Variants in ST8SIA5 observed in about 807,000 individuals in gnomAD.
The protein encoded by ST8SIA5 is alpha-2,8-sialyltransferase 8E.
In ST8SIA5, 24 loss-of-function variants were observed where a neutral mutation model predicts 40.2. The observed-to-expected ratio is 0.60, with a 90% CI of 0.43 to 0.84. The LOEUF (loss-of-function observed/expected upper bound fraction) is 0.84, where lower values mean the gene tolerates loss of function less well. Among genes scored for constraint, ST8SIA5 ranks in the 40% least tolerant of loss-of-function variants. ST8SIA5 has a pLI of 0.00. For missense variants in ST8SIA5, 465 were observed against 498.5 expected (o/e 0.93, Z 0.64); for synonymous variants, 198 against 201.8 (o/e 0.98, Z 0.16).
chr18:46,682,606 G>A (rs1201210589), intron 5 of ST8SIA5, among the ~76,000 whole-genome samples: 1 of 152,216 alleles, frequency 6.6e-6, no homozygotes, highest in Non-Finnish European at 1.5e-5. Flanking sequence ...AGCCCCCAAA[G>A]GTGTCCATGT....
At chr18:46,725,959 TAAAAAA>T (rs72220502) in intron 1 of ST8SIA5, among the ~76,000 whole-genome samples, 7 of 17,196 alleles carry the variant, frequency 4.1e-4, no homozygotes, top group African/African-American at 1.8e-3. Flanking sequence ...CATCTCTACT[TAAAAAA>T]AAAAAAAATA....
chr18:46,745,857 G>A (rs930363473), intron 1 of ST8SIA5, among the ~76,000 whole-genome samples: 18 of 152,172 alleles, frequency 1.2e-4, no homozygotes, highest in African/African-American at 4.3e-4. Flanking sequence ...ACATCAAAAA[G>A]CTTATCCACC....
intron 1 of ST8SIA5, among the ~76,000 whole-genome samples, chr18:46,745,432 T>G (rs994276409): frequency 6.6e-6 from 1 of 152,126 alleles, no homozygotes. Flanking sequence ...GAGAATACTA[T>G]AAACACCTCT....
chr18:46,686,348 TCAC>T (rs2039447857), intron 4 of ST8SIA5, 62 bp from the exon 5 acceptor site: 1 of 1,388,216 alleles, frequency 7.2e-7, no homozygotes, highest in Admixed American at 1.8e-5. Flanking sequence ...CCTGCTACTC[TCAC>T]CTCTGCAAGC....
rs115206837 is a variant in ST8SIA5, at chr18:46,686,213, C to A, written c.530G>T (p.Arg177Leu). Residue 177 changes from arginine to leucine, a missense_variant, in exon 5 of 7, where the codon CGC (arginine) becomes CTC (leucine). Coordinates refer to ENST00000315087, the MANE Select transcript of ST8SIA5 (RefSeq NM_013305.6). Reference sequence around the variant, plus strand: ...GGCGCTGTTGATCTCCCTCCCGCAGCGGCTGTTCTTCAAGATGCCTCCGTT... The same window carrying A: ...GGCGCTGTTGATCTCCCTCCCGCAGAGGCTGTTCTTCAAGATGCCTCCGTT... ...VGNGGILKNSRCGREINSADF... is the reference protein window; with the variant it reads ...VGNGGILKNSLCGREINSADF... 1.9e-6 allele frequency: 3 copies of A among 1,614,144 alleles called. No homozygotes were observed. Among genetic ancestry groups the A allele is most frequent in the Admixed American group, 1.7e-5 (1 of 60,024 alleles).
chr18:46,684,338 A>G (rs973281846), intron 5 of ST8SIA5, among the ~76,000 whole-genome samples: 1 of 152,192 alleles, frequency 6.6e-6, no homozygotes, highest in African/African-American at 2.4e-5. Flanking sequence ...TCCCCTCCCA[A>G]AAAATTGTTT....
intron 1 of ST8SIA5, chr18:46,730,327 G>T: frequency 1.1e-6 from 1 of 874,906 alleles, no homozygotes; most frequent in African/African-American, 1.8e-5. Context: ...CCGTCAAAGG[G>T]GATGAATAAT....
intron 6 of ST8SIA5, among the ~76,000 whole-genome samples, chr18:46,681,197 C>T (rs1271605900): frequency 3.3e-5 from 5 of 151,856 alleles, no homozygotes; most frequent in Admixed American, 3.3e-4. Context: ...AATTTGGTCT[C>T]GAACTCCTGG....
chr18:46,742,910 G>A (rs1461097326), intron 1 of ST8SIA5, among the ~76,000 whole-genome samples: 1 of 152,206 alleles, frequency 6.6e-6, no homozygotes, highest in Non-Finnish European at 1.5e-5. Flanking sequence ...GCCTCCGCTG[G>A]TGATACCCAG....
rs763364763 is a variant in ST8SIA5 at position 46,680,514 on chromosome 18, C to T, written c.663-4G>A. On this transcript the variant is annotated splice_region_variant and splice_polypyrimidine_tract_variant and intron_variant, in intron 6 of 6. Coordinates refer to ENST00000315087, the MANE Select transcript of ST8SIA5 (RefSeq NM_013305.6). ...CCACTTCTCCAGCTTGTGGAACCTA[C>T]ACAGGGCGCGAGTGAGAGGTGAGCA... 7.0e-6 allele frequency: 11 copies of T among 1,576,732 alleles called. No individual in the cohort carries two copies. The highest frequency in any genetic ancestry group is 9.5e-6 in the Non-Finnish European group (11 of 1,158,408).
chr18:46,707,328 T>C (rs774460798), intron 1 of ST8SIA5, among the ~76,000 whole-genome samples: 3 of 152,228 alleles, frequency 2.0e-5, no homozygotes, highest in South Asian at 2.1e-4. Flanking sequence ...ATCTCGGATA[T>C]GGCTACAAAC....
Position 46,682,016 on chromosome 18 carries a change from C to T in ST8SIA5, c.618G>A (p.Val206=). 6.2e-7 allele frequency: 1 copy of T among 1,613,544 alleles called. No homozygotes were observed. The highest frequency in any genetic ancestry group is 8.5e-7 in the Non-Finnish European group (1 of 1,179,848). ...GGTTCACAGTGACCACATCCGTCTTCACCCCCACATCCATGGTGTACTTCT... is the reference window on the plus strand; with the variant it reads ...GGTTCACAGTGACCACATCCGTCTTTACCCCCACATCCATGGTGTACTTCT... The part of the protein sequence containing the change: ...ISEKYTMDVG[V]KTDVVTVNPS... Residue 206 remains valine (V), a synonymous_variant, in exon 6 of 7, where the codon GTG becomes GTA. Transcript: ENST00000315087.
chr18:46,718,625 C>G (rs1189898449), intron 1 of ST8SIA5, among the ~76,000 whole-genome samples: 1 of 152,078 alleles, frequency 6.6e-6, no homozygotes, highest in Non-Finnish European at 1.5e-5. Context: ...GCCTGTGGCT[C>G]CTGCTTGAGT....
At position 46,730,344 on chromosome 18, in the gene ST8SIA5, C is replaced by T. The variant is rs555149781; in HGVS notation, c.132-25680G>A. On this transcript the variant is annotated intron_variant, in intron 1 of 6. Transcript: ENST00000315087. ...GTCAAAGGGGATGAATAATCCTCAA[C>T]CTAAGGATATAAACAGTCTACAAAA... 59 of 750,206 alleles carry T rather than the reference C, an allele frequency of 7.9e-5. 1 individual carries two copies. The East Asian group carries it at 6.8e-3, about 86-fold the overall frequency. 46.5% of individuals were successfully genotyped at this position (750,206 alleles called of 1,614,324 possible).
Position 46,711,773 on chromosome 18 carries a change from A to T in ST8SIA5, c.132-7109T>A, listed in dbSNP as rs991826149. ...CTGCGGGTCACAGCTGTCAGGAGACATGCCATGGCAGTGGAGAGCCCCGGC... is the reference window on the plus strand; with the variant it reads ...CTGCGGGTCACAGCTGTCAGGAGACTTGCCATGGCAGTGGAGAGCCCCGGC... On this transcript the variant is annotated intron_variant, in intron 1 of 6. Coordinates refer to ENST00000315087, the MANE Select transcript of ST8SIA5 (RefSeq NM_013305.6). Among the ~76,000 whole-genome samples the T allele has an allele frequency of 7.2e-5, 11 of 152,254 alleles. 1 individual carries two copies. The highest frequency in any genetic ancestry group is 1.2e-4 in the Non-Finnish European group (8 of 68,042).
In ST8SIA5 at chr18:46,679,993, G is replaced by A; in HGVS notation, c.*49C>T. ...CGGGGCTCCCAGTTCCACCAGGAGG[G>A]ACAGCAGGAGAGGGGGCGCCGCTTG... On this transcript the variant is annotated 3_prime_UTR_variant, in exon 7 of 7. Transcript: ENST00000315087. 6.5e-7 allele frequency: 1 copy of A among 1,545,486 alleles called. No individual in the cohort carries two copies. Among genetic ancestry groups the A allele is most frequent in the Non-Finnish European group, 8.7e-7 (1 of 1,143,106 alleles).
intron 6 of ST8SIA5, among the ~76,000 whole-genome samples, chr18:46,681,084 A>C (rs1599096192): frequency 6.6e-6 from 1 of 151,286 alleles, no homozygotes. Context: ...CAATCCCCCC[A>C]CCTTAGCCTT....
chr18:46,749,906 G>C (rs1038212409), intron 1 of ST8SIA5, among the ~76,000 whole-genome samples: 3 of 152,146 alleles, frequency 2.0e-5, no homozygotes, highest in African/African-American at 7.2e-5. Context: ...CGAGGCCAGA[G>C]ACTTAGCTAC....
At position 46,688,910 on chromosome 18, in the gene ST8SIA5, C is replaced by T; in HGVS notation, c.321G>A (p.Leu107=). 2 of 1,607,710 alleles carry T rather than the reference C, an allele frequency of 1.2e-6. No individual in the cohort carries two copies. Among genetic ancestry groups the T allele is most frequent in the Non-Finnish European group, 1.7e-6 (2 of 1,178,044 alleles). The change falls in exon 4 of 7, where the codon CTG becomes CTA. Residue 107 remains leucine, a synonymous_variant. Transcript: ENST00000315087. ...AGGCAGGGGCGTTGCAGCACCTGGA[C>T]AGAGTAGACCTGCCAGGCAGGGAGA... ...ISEANQFKST[L]SRCCNAPAFL...
Sources: allele counts gnomAD v4.1 joint callset (sites outside exome capture counted in the v4.1 genomes callset), GRCh38; gene constraint gnomAD v4.1.1; transcripts MANE v1.5; gene names NCBI Gene and HGNC (gene_info 2026-07-23, HGNC 2026-07-21).